CSN2: variants seen among roughly 807,000 people sequenced by gnomAD.
The protein encoded by CSN2 is beta-casein.
CSN2 carries 27 observed loss-of-function variants against 27.3 expected under a neutral mutation model. The ratio of observed to expected loss-of-function variants is 0.99; its 90% CI spans 0.73 to 1.36. CSN2 has a LOEUF of 1.36. Among genes scored for constraint, CSN2 ranks in the 40% most tolerant of loss-of-function variants. The pLI is 0.00. For missense variants in CSN2, 333 were observed against 264.5 expected (o/e 1.26, Z -1.80); for synonymous variants, 131 against 94.8 (o/e 1.38, Z -2.22).
At chr4:69,959,550 A>G (rs1293292479) in intron 3 of CSN2, among the ~76,000 whole-genome samples, 1 of 152,136 alleles carries the variant, frequency 6.6e-6, no homozygotes, top group African/African-American at 2.4e-5. Context: ...AAGAATAAAT[A>G]TCTACCTGAC....
intron 2 of CSN2, among the ~76,000 whole-genome samples, chr4:69,960,589 G>C (rs1723542590): frequency 6.6e-6 from 1 of 151,782 alleles, no homozygotes; most frequent in Non-Finnish European, 1.5e-5. Flanking sequence ...TAGGCTGTAA[G>C]GTATATATAC....
chr4:69,962,344 C>G (rs576093602), intron 1 of CSN2, among the ~76,000 whole-genome samples: 1 of 152,222 alleles, frequency 6.6e-6, no homozygotes, highest in South Asian at 2.1e-4. Context: ...TACTACAAGG[C>G]TACAGTAACC....
chr4:69,962,770 A>G (rs1723640908), intron 1 of CSN2, among the ~76,000 whole-genome samples: 1 of 152,218 alleles, frequency 6.6e-6, no homozygotes, highest in Non-Finnish European at 1.5e-5. Context: ...CTGCACAGCA[A>G]AAGAAACTAC....
chr4:69,956,445 C>G, intron 6 of CSN2, 90 bp from the exon 7 acceptor site: 1 of 1,035,476 alleles, frequency 9.7e-7, no homozygotes, highest in Non-Finnish European at 1.3e-6. Flanking sequence ...TAAGCATCTC[C>G]GTCTTTTGCC....
At chr4:69,956,425 A>C in intron 6 of CSN2, 70 bp from the exon 7 acceptor site, 15 of 1,211,530 alleles carry the variant, frequency 1.2e-5, no homozygotes, top group Non-Finnish European at 1.6e-5. Context: ...GAATGTTGTA[A>C]GTAGTGAAAT....
intron 1 of CSN2, among the ~76,000 whole-genome samples, chr4:69,961,412 G>A (rs1723576062): frequency 6.6e-6 from 1 of 152,136 alleles, no homozygotes; most frequent in Admixed American, 6.6e-5. Context: ...TCCCTGGGAT[G>A]CAAGGCTGGT....
chr4:69,964,224 TTGA>T (rs1418368258), intron 1 of CSN2, among the ~76,000 whole-genome samples: 2 of 152,132 alleles, frequency 1.3e-5, no homozygotes, highest in African/African-American at 4.8e-5. Context: ...CACGATTCTC[TTGA>T]TGATCCGCCA....
rs1027087323 is a variant in CSN2 at position 69,957,628 on chromosome 4, A to G, written c.321T>C (p.Thr107=). The G allele has an allele frequency of 4.3e-6, 7 of 1,613,884 alleles. No individual in the cohort carries two copies. Among genetic ancestry groups the G allele is most frequent in the Admixed American group, 3.3e-5 (2 of 59,904 alleles). ...EIMEVPKAKD[T]VYTKGRVMPV... ...GCATCACTCTGCCCTTAGTGTAGACAGTGTCTTTAGCTTTAGGGACTTCCA... is the reference window on the plus strand; with the variant it reads ...GCATCACTCTGCCCTTAGTGTAGACGGTGTCTTTAGCTTTAGGGACTTCCA... Residue 107 remains threonine (T), a synonymous_variant, in exon 6 of 8, where the codon ACT becomes ACC. Transcript: ENST00000353151.
intron 7 of CSN2, 100 bp downstream of exon 7, chr4:69,956,214 A>G (rs1297640661): frequency 1.0e-5 from 8 of 796,300 alleles, no homozygotes; most frequent in Non-Finnish European, 1.2e-5. Flanking sequence ...TCTTGTATGT[A>G]TGAAATTTTC....
intron 5 of CSN2, 111 bp downstream of exon 5, chr4:69,958,798 T>C (rs1723480621): frequency 2.9e-6 from 2 of 690,338 alleles, no homozygotes; most frequent in Non-Finnish European, 2.3e-6. Flanking sequence ...GGTGGGTATA[T>C]GGCATTTATT....
chr4:69,963,514 A>G (rs1004108442), intron 1 of CSN2, among the ~76,000 whole-genome samples: 17 of 151,548 alleles, frequency 1.1e-4, no homozygotes, highest in Non-Finnish European at 2.4e-4. Flanking sequence ...ACATGTTCTC[A>G]CTCATAGGTG....
At chr4:69,963,454 G>C (rs946763609) in intron 1 of CSN2, among the ~76,000 whole-genome samples, 1 of 152,010 alleles carries the variant, frequency 6.6e-6, no homozygotes. Flanking sequence ...GATGAAGCTG[G>C]AAACCATCAT....
intron 6 of CSN2, among the ~76,000 whole-genome samples, chr4:69,956,610 A>G (rs1723403979): frequency 6.6e-6 from 1 of 152,174 alleles, no homozygotes; most frequent in African/African-American, 2.4e-5. Context: ...CTTCATATAT[A>G]CTTATAGCAA....
chr4:69,961,064 T>C, intron 1 of CSN2, 57 bp from the exon 2 acceptor site: 1 of 1,233,984 alleles, frequency 8.1e-7, no homozygotes, highest in Non-Finnish European at 1.2e-6. Context: ...TATACTTTCT[T>C]ATGTAGGTAA....
intron 3 of CSN2, 64 bp downstream of exon 3, chr4:69,959,989 G>T: frequency 6.9e-7 from 1 of 1,449,734 alleles, no homozygotes; most frequent in Non-Finnish European, 9.7e-7. Flanking sequence ...CTGCCATGAT[G>T]TAACACCATA....
At chr4:69,960,856 G>T in intron 2 of CSN2, 89 bp downstream of exon 2, 1 of 1,015,654 alleles carries the variant, frequency 9.8e-7, no homozygotes, top group Non-Finnish European at 1.5e-6. Context: ...TATTTATACA[G>T]TAAAAAATGT....
intron 1 of CSN2, among the ~76,000 whole-genome samples, chr4:69,964,147 C>A (rs1352936493): frequency 6.6e-6 from 1 of 152,044 alleles, no homozygotes; most frequent in Non-Finnish European, 1.5e-5. Flanking sequence ...TGTCTGTTCT[C>A]CTTTATGCCA....
rs766852942 is a variant in CSN2 at position 69,957,334 on chromosome 4, G to T, written c.615C>A (p.Asn205Lys). The change falls in exon 6 of 8, where the codon AAC (asparagine) becomes AAA (lysine). Residue 205 changes from asparagine to lysine, a missense_variant. By Grantham distance (94) the Asn-to-Lys change is moderately conservative (BLOSUM62 0). Coordinates refer to ENST00000353151, the MANE Select transcript of CSN2 (RefSeq NM_001891.4). The part of the protein sequence containing the change: ...ALLLNQELLL[N>K]PTHQIYPVTQ... ...TCACAGGGTAGATCTGGTGGGTGGG[G>T]TTAAGTAGAAGTTCTTGGTTGAGCA... 2.5e-6 allele frequency: 4 copies of T among 1,602,134 alleles called. No individual in the cohort carries two copies. The highest frequency in any genetic ancestry group is 2.2e-5 in the South Asian group (2 of 90,204).
chr4:69,960,885 C>A, intron 2 of CSN2, 60 bp downstream of exon 2: 1 of 1,316,452 alleles, frequency 7.6e-7, no homozygotes, highest in Non-Finnish European at 1.1e-6. Context: ...TTATTCTCTA[C>A]AAATAAGCAT....
Sources: allele counts gnomAD v4.1 joint callset (sites outside exome capture counted in the v4.1 genomes callset), GRCh38; gene constraint gnomAD v4.1.1; transcripts MANE v1.5; gene names NCBI Gene and HGNC (gene_info 2026-07-23, HGNC 2026-07-21).